The following CFAP70 variants were observed in gnomAD, a reference collection of about 807,000 sequenced individuals.
The protein encoded by CFAP70 is cilia and flagella associated protein 70.
CFAP70 carries 81 observed loss-of-function variants against 137.6 expected under a neutral mutation model. The ratio of observed to expected loss-of-function variants is 0.59; its 90% CI spans 0.49 to 0.71. CFAP70 has a LOEUF of 0.71. Ranked by LOEUF, CFAP70 falls within the 30% of genes least tolerant of loss-of-function variation. The pLI is 0.00. For synonymous variants in CFAP70, 382 were observed against 423.6 expected (o/e 0.90, Z 1.20); for missense variants, 976 against 1,226.7 (o/e 0.80, Z 3.05).
At chr10:73,340,644 C>T (rs1051129172) in intron 6 of CFAP70, among the ~76,000 whole-genome samples, 1 of 152,218 alleles carries the variant, frequency 6.6e-6, no homozygotes, top group African/African-American at 2.4e-5. Flanking sequence ...AGTGGCCCCT[C>T]GGACTTTCTC....
intron 7 of CFAP70, among the ~76,000 whole-genome samples, chr10:73,332,607 C>G (rs1223468538): frequency 6.6e-6 from 1 of 152,110 alleles, no homozygotes; most frequent in Admixed American, 6.5e-5. Context: ...CAATTTGCCA[C>G]CACATCAACA....
At chr10:73,336,871 C>T (rs1173785455) in intron 6 of CFAP70, among the ~76,000 whole-genome samples, 5 of 152,136 alleles carry the variant, frequency 3.3e-5, no homozygotes, top group Admixed American at 6.5e-5. Context: ...CCACCGCGCC[C>T]GGCCGCGTTA....
At chr10:73,270,531 CCTCCCCTCCCCTTCCCT>C (rs2046211964) in intron 24 of CFAP70, among the ~76,000 whole-genome samples, 1 of 93,632 alleles carries the variant, frequency 1.1e-5, no homozygotes, top group African/African-American at 4.2e-5. Context: ...CTCCCCCTCC[CCTCCCCTCCCCTTCCCT>C]TCTCTTCGAC....
chr10:73,291,315 G>A (rs760257328), exon 19 of CFAP70: 1 of 1,614,134 alleles, frequency 6.2e-7, no homozygotes, highest in Non-Finnish European at 8.5e-7. Flanking sequence ...TCTTTCCTCA[G>A]TGTCTTCTAC....
chr10:73,337,939 C>A (rs2052840115), intron 6 of CFAP70, among the ~76,000 whole-genome samples: 1 of 151,922 alleles, frequency 6.6e-6, no homozygotes, highest in South Asian at 2.1e-4. Flanking sequence ...ACTTTTATCC[C>A]TGATGTTTAT....
At chr10:73,277,769 T>C (rs1229273394) in intron 20 of CFAP70, among the ~76,000 whole-genome samples, 1 of 151,794 alleles carries the variant, frequency 6.6e-6, no homozygotes, top group East Asian at 1.9e-4. Context: ...TCTTATCTAA[T>C]ACATGAGAGG....
chr10:73,256,446 G>A, intron 25 of CFAP70, 30 bp from the exon 27 acceptor site: 1 of 1,613,734 alleles, frequency 6.2e-7, no homozygotes, highest in Non-Finnish European at 8.5e-7. Context: ...TGGTGATGAT[G>A]ACAGGTCATA....
chr10:73,278,100 C>T (rs1357509383), intron 20 of CFAP70, 79 bp downstream of exon 21: 4 of 1,416,558 alleles, frequency 2.8e-6, no homozygotes, highest in Admixed American at 1.9e-5. Context: ...GTCAGGATTG[C>T]CATTTCATCA....
chr10:73,337,283 C>G (rs1219921059), intron 6 of CFAP70, among the ~76,000 whole-genome samples: 6 of 151,644 alleles, frequency 4.0e-5, no homozygotes, highest in African/African-American at 1.2e-4. Flanking sequence ...GAGTTTGAAA[C>G]CAGCCTGGCC....
intron 8 of CFAP70, among the ~76,000 whole-genome samples, chr10:73,329,655 A>G (rs2051863890): frequency 6.6e-6 from 1 of 152,192 alleles, no homozygotes; most frequent in African/African-American, 2.4e-5. Context: ...TATAAAAAAC[A>G]ACAATAACAA....
At chr10:73,284,565 T>G (rs1186378776) in intron 19 of CFAP70, among the ~76,000 whole-genome samples, 2 of 151,304 alleles carry the variant, frequency 1.3e-5, no homozygotes, top group Non-Finnish European at 2.9e-5. Flanking sequence ...TCTCTGCTTT[T>G]TATTCTACTA....
At chr10:73,353,674 G>C in exon 3 of CFAP70, 1 of 1,614,140 alleles carries the variant, frequency 6.2e-7, no homozygotes. Context: ...TTTTTGCAGA[G>C]TCTCCCAGAA....
At chr10:73,261,758 G>C (rs939904409) in intron 25 of CFAP70, among the ~76,000 whole-genome samples, 1 of 151,772 alleles carries the variant, frequency 6.6e-6, no homozygotes, top group East Asian at 1.9e-4. Flanking sequence ...TTGCCTGCTC[G>C]AGCCTCCCAA....
chr10:73,310,361 T>G, intron 11 of CFAP70, 112 bp from the exon 13 acceptor site: 2 of 608,174 alleles, frequency 3.3e-6, no homozygotes, highest in South Asian at 2.2e-5. Flanking sequence ...CATATATAAC[T>G]ACATATACAG....
At chr10:73,299,643 T>C in exon 13 of CFAP70, 1 of 1,613,048 alleles carries the variant, frequency 6.2e-7, no homozygotes, top group Non-Finnish European at 8.5e-7. Context: ...AGAGGAGGCC[T>C]TGGAGGAATC....
chr10:73,300,234 C>T (rs2048849011), intron 12 of CFAP70, among the ~76,000 whole-genome samples: 1 of 151,990 alleles, frequency 6.6e-6, no homozygotes, highest in Non-Finnish European at 1.5e-5. Flanking sequence ...ATGTCAAAAC[C>T]TCTACCTTCT....
At chr10:73,268,440 T>G (rs1255107356) in intron 25 of CFAP70, among the ~76,000 whole-genome samples, 1 of 152,250 alleles carries the variant, frequency 6.6e-6, no homozygotes, top group East Asian at 1.9e-4. Flanking sequence ...GTCCTCTCAT[T>G]GTTAAGTGAA....
chr10:73,351,043 A>ATGTGTGTATATATGTG (rs1564889478), intron 3 of CFAP70, among the ~76,000 whole-genome samples: 113 of 92,024 alleles, frequency 1.2e-3, no homozygotes, highest in African/African-American at 4.7e-3. Context: ...ATGTGTGTAT[A>ATGTGTGTATATATGTG]TATGTGTGTG....
intron 20 of CFAP70, among the ~76,000 whole-genome samples, chr10:73,277,771 C>T (rs1277812146): frequency 6.6e-6 from 1 of 151,862 alleles, no homozygotes; most frequent in Non-Finnish European, 1.5e-5. Flanking sequence ...TTATCTAATA[C>T]ATGAGAGGGA....
Sources: allele counts gnomAD v4.1 joint callset (sites outside exome capture counted in the v4.1 genomes callset), GRCh38; gene constraint gnomAD v4.1.1; transcripts MANE v1.5; gene names NCBI Gene and HGNC (gene_info 2026-07-23, HGNC 2026-07-21).